Variants in CCDC102B observed in about 807,000 individuals in gnomAD.
CCDC102B encodes coiled-coil domain-containing protein 102B.
A neutral mutation model predicts 57.4 loss-of-function variants in CCDC102B; 75 were observed. The observed-to-expected ratio is 1.31, with a 90% CI of 1.08 to 1.58. CCDC102B has a LOEUF of 1.58. Among genes scored for constraint, CCDC102B ranks in the 40% most tolerant of loss-of-function variants. The probability of loss-of-function intolerance (pLI) is 0.00; values close to 1 mark genes in which losing one functional copy is unlikely to be tolerated. For missense variants in CCDC102B, 636 were observed against 582.6 expected (o/e 1.09, Z -0.94); for synonymous variants, 206 against 201.9 (o/e 1.02, Z -0.17).
chr18:69,032,302 AT>A (rs1231810984), intron 7 of CCDC102B, among the ~76,000 whole-genome samples: 1 of 152,198 alleles, frequency 6.6e-6, no homozygotes, highest in East Asian at 1.9e-4. Flanking sequence ...GCTCTCTGCT[AT>A]TTATATCCCC....
intron 3 of CCDC102B, among the ~76,000 whole-genome samples, chr18:68,842,237 GTA>G (rs35993883): frequency 0.3 from 44,758 of 148,590 alleles, 8,008 homozygotes; most frequent in East Asian, 0.64. Flanking sequence ...TATATATAAA[GTA>G]TATATATATA....
intron 4 of CCDC102B, among the ~76,000 whole-genome samples, chr18:68,854,782 GTAGA>G (rs1028320584): frequency 1.3e-5 from 2 of 152,178 alleles, no homozygotes; most frequent in African/African-American, 4.8e-5. Flanking sequence ...CTTAATGGGA[GTAGA>G]TAAAGAACGC....
In CCDC102B at chr18:68,876,328, G is replaced by T. The variant is rs144356463; in HGVS notation, c.1053+1543G>T. Among the ~76,000 whole-genome samples, 75 of 152,266 alleles carry T rather than the reference G, an allele frequency of 4.9e-4. No individual in the cohort carries two copies. The East Asian group carries it at 0.014, about 29-fold the overall frequency. On this transcript the variant is annotated intron_variant, in intron 5 of 7. Coordinates refer to ENST00000360242, the MANE Select transcript of CCDC102B (RefSeq NM_024781.3). ...TCAGTGAGGGGTACAGTATTCACCA[G>T]AGATCATACCTTTCAGTGTAAGTTG... is the stretch of plus-strand genomic sequence containing the variant.
intron 6 of CCDC102B, among the ~76,000 whole-genome samples, chr18:68,993,873 T>G (rs2050944609): frequency 6.6e-6 from 1 of 152,170 alleles, no homozygotes; most frequent in African/African-American, 2.4e-5. Flanking sequence ...TCCCAATTGT[T>G]TGCGCCAACT....
chr18:68,968,824 A>G (rs77207125), intron 6 of CCDC102B, among the ~76,000 whole-genome samples: 3,689 of 152,214 alleles, frequency 0.024, 118 homozygotes, highest in East Asian at 0.15. Context: ...GATTTTACTT[A>G]GCATAATGTC....
At chr18:68,913,310 CTGTGTGTGTG>C (rs57064090) in intron 6 of CCDC102B, among the ~76,000 whole-genome samples, 30 of 135,496 alleles carry the variant, frequency 2.2e-4, no homozygotes, top group Admixed American at 3.8e-4. Context: ...TGGTTAGTGT[CTGTGTGTGTG>C]TGTGTGTGTG....
intron 6 of CCDC102B, among the ~76,000 whole-genome samples, chr18:68,994,109 A>ATTT (rs10681093): frequency 6.6e-6 from 1 of 151,836 alleles, no homozygotes; most frequent in Non-Finnish European, 1.5e-5. Context: ...TGTAATTTTT[A>ATTT]TTATTTTATT....
chr18:68,953,960 T>C (rs1455902512), intron 6 of CCDC102B, among the ~76,000 whole-genome samples: 1 of 152,100 alleles, frequency 6.6e-6, no homozygotes, highest in Admixed American at 6.6e-5. Context: ...AAAGTGAATG[T>C]CATTTTAGTG....
At chr18:68,855,187 A>G (rs1244862726) in intron 4 of CCDC102B, among the ~76,000 whole-genome samples, 1 of 152,214 alleles carries the variant, frequency 6.6e-6, no homozygotes, top group Admixed American at 6.5e-5. Flanking sequence ...ATTGATACAC[A>G]GAGTTTGAGG....
chr18:68,797,836 C>T (rs2035686521), upstream of CCDC102B, among the ~76,000 whole-genome samples: 2 of 144,554 alleles, frequency 1.4e-5, no homozygotes, highest in South Asian at 4.5e-4. Context: ...ACATTAAGAA[C>T]ACTTGTGGAT....
At chr18:68,955,771 C>T (rs769864874) in intron 6 of CCDC102B, among the ~76,000 whole-genome samples, 3 of 151,642 alleles carry the variant, frequency 2.0e-5, no homozygotes, top group South Asian at 2.1e-4. Context: ...TGTACTTTCT[C>T]GTTAATTTTG....
At chr18:68,953,555 T>C (rs2049761202) in intron 6 of CCDC102B, among the ~76,000 whole-genome samples, 1 of 151,914 alleles carries the variant, frequency 6.6e-6, no homozygotes, top group Non-Finnish European at 1.5e-5. Flanking sequence ...AGCGGTTTTT[T>C]TTTCATTAAG....
chr18:68,792,652 CAT>C (rs1392081625), intron 2 of CCDC102B, among the ~76,000 whole-genome samples: 1 of 152,170 alleles, frequency 6.6e-6, no homozygotes, highest in African/African-American at 2.4e-5. Context: ...CTACAGGTTA[CAT>C]CTTTTTTACA....
chr18:68,803,507 C>T (rs1005631292), intron 1 of CCDC102B, among the ~76,000 whole-genome samples: 3 of 152,038 alleles, frequency 2.0e-5, no homozygotes, highest in Non-Finnish European at 2.9e-5. Flanking sequence ...TACTTAACCA[C>T]GAGGAATCTT....
rs1236584331 is a variant in CCDC102B at position 68,893,890 on chromosome 18, T to C, written c.1054-3329T>C. On this transcript the variant is annotated intron_variant, in intron 5 of 7. Transcript: ENST00000360242. ...TTGTCCAGTTTCCTTTTATACCATG[T>C]TCTCCCCAAATCCTAACATTCCATA... 2.6e-5 allele frequency among the ~76,000 whole-genome samples: 4 copies of C among 152,130 alleles called. 1 individual carries two copies. Among genetic ancestry groups the C allele is most frequent in the Non-Finnish European group, 4.4e-5 (3 of 67,988 alleles).
intron 6 of CCDC102B, among the ~76,000 whole-genome samples, chr18:68,946,018 T>C (rs1194851614): frequency 2.0e-5 from 3 of 152,052 alleles, no homozygotes; most frequent in African/African-American, 7.2e-5. Flanking sequence ...GCTTAGTGGT[T>C]TAGTTGTTTC....
In CCDC102B at chr18:68,756,495, G is replaced by A. The variant is rs566873680; in HGVS notation, c.-67+39901G>A. Among the ~76,000 whole-genome samples the A allele has an allele frequency of 8.5e-5, 13 of 152,228 alleles. No homozygotes were observed. In the South Asian group the frequency reaches 1.7e-3, roughly 19 times the overall value. ...ATGTTTTAAAATGCAAATTGCCAAC[G>A]TTGATTATATATGAAAATATCCTCC... On this transcript the variant is annotated intron_variant, in intron 2 of 3. Transcript: ENST00000578970.
At chr18:68,948,551 T>A (rs2145189955) in intron 6 of CCDC102B, among the ~76,000 whole-genome samples, 1 of 152,166 alleles carries the variant, frequency 6.6e-6, no homozygotes, top group East Asian at 1.9e-4. Context: ...GATCACCAAA[T>A]CACTAAAAGC....
chr18:68,810,300 A>T (rs2144708477), intron 1 of CCDC102B, among the ~76,000 whole-genome samples: 1 of 152,290 alleles, frequency 6.6e-6, no homozygotes, highest in East Asian at 1.9e-4. Context: ...TAATTTGTAA[A>T]TCTCACTGAA....
Sources: gnomAD v4.1 joint callset for allele counts (sites outside exome capture counted in the v4.1 genomes callset) on GRCh38, gnomAD v4.1.1 for gene constraint, MANE v1.5 for transcripts, NCBI Gene and HGNC (gene_info 2026-07-23, HGNC 2026-07-21) for gene names.